EEF1A2: variants seen among roughly 807,000 people sequenced by gnomAD.
EEF1A2 encodes the protein eukaryotic translation elongation factor 1 alpha 2.
Under a neutral mutation model 39.3 loss-of-function variants are expected in EEF1A2, and 5 were observed. The ratio of observed to expected loss-of-function variants is 0.13; its 90% CI spans 0.07 to 0.27. The LOEUF is 0.27. EEF1A2 is among the 10% of genes least tolerant of loss of function. EEF1A2 has a pLI of 1.00. For synonymous variants in EEF1A2, 287 were observed against 293.7 expected, an observed-to-expected ratio of 0.98 and a Z score of 0.23; for missense variants, 218 against 681.4, an observed-to-expected ratio of 0.32 and a Z score of 7.57.
Position 63,497,341 on chromosome 20 carries a change from G to C in EEF1A2, c.144+279C>G, listed in dbSNP as rs1162595569. 2.8e-6 allele frequency: 1 copy of C among 355,118 alleles called. No homozygotes were observed. Among genetic ancestry groups the C allele is most frequent in the Admixed American group, 4.5e-5 (1 of 22,106 alleles). 22.0% of individuals were successfully genotyped at this position (355,118 alleles called of 1,614,324 possible). A position where few individuals can be genotyped will look rare whatever the true frequency, so the allele number is the denominator to read the frequency against. ...CCTCCAGCCCCAGCTCAACATGGCA[G>C]AGTTCCAGAGCCTTCTGCAGACCCT... On this transcript the variant is annotated intron_variant, in intron 2 of 7. Coordinates refer to ENST00000217182, the MANE Select transcript of EEF1A2 (RefSeq NM_001958.5). The surrounding 1 kb of genome is among the most constrained non-coding windows in gnomAD (Gnocchi z 7.3).
In EEF1A2 at chr20:63,493,396, T is replaced by G. The variant is rs986811869; in HGVS notation, c.622-109A>C. On this transcript the variant is annotated intron_variant, in intron 4 of 7. Coordinates refer to ENST00000217182, the MANE Select transcript of EEF1A2 (RefSeq NM_001958.5). ...TACTGCTGTTCAGGCTAAACTTGCCTCGTGCCCTTTGAGATGAGGAATTTC... is the reference window on the plus strand; with the variant it reads ...TACTGCTGTTCAGGCTAAACTTGCCGCGTGCCCTTTGAGATGAGGAATTTC... The G allele has an allele frequency of 4.5e-6, 6 of 1,320,404 alleles. No homozygotes were observed. The Admixed American group carries it at 1.9e-4, about 41-fold the overall frequency. The allele number at this position is 1,320,404 out of a possible 1,614,324, so 81.8% of individuals were successfully genotyped here.
At position 63,490,559 on chromosome 20, in the gene EEF1A2, C is replaced by G; in HGVS notation, c.949G>C (p.Val317Leu). The change falls in exon 6 of 8, where the codon GTG becomes CTG. Residue 317 changes from valine (V) to leucine (L), a missense_variant. Around this residue, in one of 4 missense-constraint regions of EEF1A2, gnomAD observed 80 missense variants for 295.9 expected, o/e 0.27. Transcript: ENST00000217182. ...NVGFNVKNVS[V>L]KDIRRGNVCG... ...ACGTTGCCCCGCCGGATGTCCTTCACCGACACGTTCTTCACATTGAAGCCG... is the reference window on the plus strand; with the variant it reads ...ACGTTGCCCCGCCGGATGTCCTTCAGCGACACGTTCTTCACATTGAAGCCG... The G allele has an allele frequency of 6.2e-7, 1 of 1,612,812 alleles. No homozygotes were observed.
intron 4 of EEF1A2, among the ~76,000 whole-genome samples, chr20:63,493,672 G>A (rs1462426351): frequency 1.3e-5 from 2 of 152,206 alleles, no homozygotes; most frequent in Non-Finnish European, 2.9e-5. Flanking sequence ...GGCCAGGCCA[G>A]GGACAGAGCT....
chr20:63,498,705 A>C lies in EEF1A2; in HGVS notation c.-72+353T>G, dbSNP rs2082429787. The C allele has an allele frequency of 6.6e-6, 1 of 151,392 alleles. No homozygotes were observed. The highest frequency in any genetic ancestry group is 1.5e-5 in the Non-Finnish European group (1 of 67,838). 9.4% of individuals were successfully genotyped at this position (151,392 alleles called of 1,614,324 possible). The stretch of plus-strand genomic sequence containing the variant: ...GGACAGAAGCCACCCTGGGGTGGGA[A>C]CACGGGTGGGGGTGGGGAGGCCAGG... On this transcript the variant is annotated intron_variant, in intron 1 of 7. Transcript: ENST00000217182. The surrounding 1 kb of genome is among the most constrained non-coding windows in gnomAD (Gnocchi z 4.1).
At chr20:63,491,204 GGCCCT>G (rs879293133) in intron 5 of EEF1A2, among the ~76,000 whole-genome samples, 36,822 of 131,260 alleles carry the variant, frequency 0.28, 4,756 homozygotes, top group African/African-American at 0.46. Context: ...GCTCCCTGCA[GGCCCT>G]GCTCCCTGCT....
At chr20:63,494,714 T>C (rs1294508790) in intron 4 of EEF1A2, 91 bp downstream of exon 4, 2 of 1,480,028 alleles carry the variant, frequency 1.4e-6, no homozygotes, top group East Asian at 4.9e-5. Flanking sequence ...GGACAGGCCC[T>C]CGACCTCCCC....
Position 63,494,871 on chromosome 20 carries a change from C to A in EEF1A2, c.555G>T (p.Pro185=). The change falls in exon 4 of 8, where the codon CCG becomes CCT. Residue 185 remains proline, a synonymous_variant. Coordinates refer to ENST00000217182, the MANE Select transcript of EEF1A2 (RefSeq NM_001958.5). ...SAYIKKIGYN[P]ATVPFVPISG... ...AGATGGGCACAAAGGGCACGGTGGC[C>A]GGGTTGTAGCCGATCTTCTTGATGT... 6.2e-7 allele frequency: 1 copy of A among 1,612,704 alleles called. No homozygotes were observed. The highest frequency in any genetic ancestry group is 8.5e-7 in the Non-Finnish European group (1 of 1,179,944).
At chr20:63,493,026 G>C in intron 5 of EEF1A2, 111 bp downstream of exon 5, 1 of 1,390,848 alleles carries the variant, frequency 7.2e-7, no homozygotes, top group Non-Finnish European at 9.5e-7. Context: ...AAAGTGTGTG[G>C]TAAGGGGAGA....
In EEF1A2 at chr20:63,494,804, C is replaced by T. The variant is rs2145944692; in HGVS notation, c.621+1G>A. 1 of 1,608,444 alleles carries T rather than the reference C, an allele frequency of 6.2e-7. No homozygotes were observed. The highest frequency in any genetic ancestry group is 8.5e-7 in the Non-Finnish European group (1 of 1,177,278). ...CCCGCCCCGCCCTAGCCGCCACTCA[C>T]GTTGGGGGAGGGCTCCAGCATGTTG... is the stretch of plus-strand genomic sequence containing the variant. On this transcript the variant is annotated splice_donor_variant, in intron 4 of 7. Coordinates refer to ENST00000217182, the MANE Select transcript of EEF1A2 (RefSeq NM_001958.5). LOFTEE classifies it high-confidence loss of function.
intron 5 of EEF1A2, among the ~76,000 whole-genome samples, chr20:63,491,333 A>G (rs1235835489): frequency 6.6e-6 from 1 of 152,088 alleles, no homozygotes; most frequent in Admixed American, 6.5e-5. Flanking sequence ...GGCATTTCTC[A>G]TGGATCTACT....
At chr20:63,492,543 TGGATGGATAGAG>T (rs2082392791) in intron 5 of EEF1A2, among the ~76,000 whole-genome samples, 1 of 97,012 alleles carries the variant, frequency 1.0e-5, no homozygotes, top group African/African-American at 3.6e-5. Context: ...GAAGGATGGA[TGGATGGATAGAG>T]AGAAGGATGG....
At position 63,490,687 on chromosome 20, in the gene EEF1A2, G is replaced by A. The variant is rs1405800415; in HGVS notation, c.821C>T (p.Pro274Leu). The A allele has an allele frequency of 1.2e-6, 2 of 1,609,300 alleles. No individual in the cohort carries two copies. The highest frequency in any genetic ancestry group is 1.7e-6 in the Non-Finnish European group (2 of 1,178,936). The change falls in exon 6 of 8, where the codon CCG (proline) becomes CTG (leucine). Residue 274 changes from proline (P) to leucine (L), a missense_variant. Coordinates refer to ENST00000217182, the MANE Select transcript of EEF1A2 (RefSeq NM_001958.5). ...TGGCGCAAAGGTCACCACCATGCCC[G>A]GCCGCAGGATGCCGGTCTCCACCCG... ...VGRVETGILR[P>L]GMVVTFAPVN...
At chr20:63,490,447 G>A (rs577079221) in intron 6 of EEF1A2, 32 bp downstream of exon 6, 16 of 1,589,794 alleles carry the variant, frequency 1.0e-5, no homozygotes, top group African/African-American at 6.7e-5. Flanking sequence ...TCCAGCAGGC[G>A]CCAGCCCCCT....
At chr20:63,488,518 G>A in intron 7 of EEF1A2, 93 bp from the exon 8 acceptor site, 2 of 1,304,844 alleles carry the variant, frequency 1.5e-6, no homozygotes, top group Non-Finnish European at 2.0e-6. Context: ...AACCGCGTCG[G>A]GAATGTCCTC....
intron 7 of EEF1A2, among the ~76,000 whole-genome samples, 199 bp from the exon 8 acceptor site, chr20:63,488,624 GGGGCGGGGGCAGCCCTAACGCTGCCACT>G (rs1270282247): frequency 6.6e-6 from 1 of 152,202 alleles, no homozygotes; most frequent in Non-Finnish European, 1.5e-5. Flanking sequence ...GGGCGGCCAC[GGGGCGGGGGCAGCCCTAACGCTGCCACT>G]GGGCGACCGC....
At position 63,497,241 on chromosome 20, in the gene EEF1A2, C is replaced by T. The variant is rs1210807093; in HGVS notation, c.144+379G>A. On this transcript the variant is annotated intron_variant, in intron 2 of 7. Coordinates refer to ENST00000217182, the MANE Select transcript of EEF1A2 (RefSeq NM_001958.5). This position sits in a 1 kb window ranked among gnomAD's most constrained non-coding sequence, Gnocchi z 7.3. The stretch of plus-strand genomic sequence containing the variant: ...ATAGTAGCGTGTGCCCTGGCAGGGC[C>T]CTAGGACAAGTGAGGGCAGTACCAT... 5.5e-6 allele frequency: 1 copy of T among 180,370 alleles called. No individual in the cohort carries two copies. 11.2% of individuals were successfully genotyped at this position (180,370 alleles called of 1,614,324 possible). A position where few individuals can be genotyped will look rare whatever the true frequency, so the allele number is the denominator to read the frequency against.
chr20:63,489,285 G>C, intron 6 of EEF1A2, 133 bp from the exon 7 acceptor site: 5 of 822,084 alleles, frequency 6.1e-6, no homozygotes, highest in Non-Finnish European at 9.3e-6. Context: ...GACTGGAGGG[G>C]GCTCAGGCTC....
intron 3 of EEF1A2, among the ~76,000 whole-genome samples, chr20:63,495,606 G>GC (rs969225402): frequency 1.3e-5 from 2 of 152,174 alleles, no homozygotes; most frequent in African/African-American, 4.8e-5. Context: ...GTCCCCATCT[G>GC]CCCCCATCTA....
At position 63,495,934 on chromosome 20, in the gene EEF1A2, G is replaced by A. The variant is rs1600908493; in HGVS notation, c.246C>T (p.Thr82=). The change falls in exon 3 of 8, where the codon ACC becomes ACT. Residue 82 remains threonine (T), a synonymous_variant. Transcript: ENST00000217182. ...TIDISLWKFE[T]TKYYITIIDA... ...CGATGATGGTGATGTAGTACTTGGT[G>A]GTCTCGAACTTCCAGAGGGAGATGT... 6.2e-7 allele frequency: 1 copy of A among 1,613,380 alleles called. No homozygotes were observed. Among genetic ancestry groups the A allele is most frequent in the Non-Finnish European group, 8.5e-7 (1 of 1,179,948 alleles).
Sources: gnomAD v4.1 joint callset for allele counts (sites outside exome capture counted in the v4.1 genomes callset) on GRCh38, gnomAD v4.1.1 for gene constraint, gnomAD v4.1.1 regional missense constraint, Gnocchi (gnomAD v3.1) non-coding constraint, MANE v1.5 for transcripts, NCBI Gene and HGNC (gene_info 2026-07-23, HGNC 2026-07-21) for gene names.